ADAMTS17: variants seen among roughly 807,000 people sequenced by gnomAD.
ADAMTS17 encodes the protein A disintegrin and metalloproteinase with thrombospondin motifs 17.
In ADAMTS17, 113 loss-of-function variants were observed where a neutral mutation model predicts 141.5. The observed-to-expected ratio is 0.80, with a 90% CI of 0.69 to 0.93. The LOEUF (loss-of-function observed/expected upper bound fraction) is 0.93. Ranked by LOEUF, ADAMTS17 falls within the 40% of genes least tolerant of loss-of-function variation. ADAMTS17 has a pLI of 0.00. For missense variants in ADAMTS17, 1,659 were observed against 1,517.9 expected (o/e 1.09, Z -1.54); for synonymous variants, 768 against 630.6 (o/e 1.22, Z -3.27).
intron 15 of ADAMTS17, among the ~76,000 whole-genome samples, chr15:100,088,458 T>C (rs918957585): frequency 6.6e-6 from 1 of 152,192 alleles, no homozygotes; most frequent in Non-Finnish European, 1.5e-5. Context: ...AAGCTACCAA[T>C]GACTTTCTTC....
rs1263521839 is a variant in ADAMTS17 at position 100,301,610 on chromosome 15, C to T, written c.617-20209G>A. Among the ~76,000 whole-genome samples, 12 of 151,610 alleles carry T rather than the reference C, an allele frequency of 7.9e-5. No individual in the cohort carries two copies. The South Asian group carries it at 1.0e-3, about 13-fold the overall frequency. On this transcript the variant is annotated intron_variant, in intron 3 of 21. Transcript: ENST00000268070. Reference sequence around the variant, plus strand: ...CCTCCCAAAGCGCTGGGATTACAGGCGTGAGTCACCACGCCCAGCTTATGT... The same window carrying T: ...CCTCCCAAAGCGCTGGGATTACAGGTGTGAGTCACCACGCCCAGCTTATGT...
chr15:100,040,061 G>T (rs2031107406), intron 18 of ADAMTS17, among the ~76,000 whole-genome samples: 4 of 152,096 alleles, frequency 2.6e-5, no homozygotes. Context: ...TACTTTCAAT[G>T]TATTTGTATA....
intron 18 of ADAMTS17, among the ~76,000 whole-genome samples, chr15:100,005,284 C>T (rs2061016318): frequency 6.6e-6 from 1 of 152,166 alleles, no homozygotes; most frequent in African/African-American, 2.4e-5. Context: ...CTTAATGGCT[C>T]AAAATAACAC....
intron 7 of ADAMTS17, among the ~76,000 whole-genome samples, chr15:100,208,238 C>G (rs188512125): frequency 1.3e-5 from 2 of 152,172 alleles, no homozygotes; most frequent in South Asian, 4.1e-4. Flanking sequence ...CAATGAAAAC[C>G]GAGCGGCAAC....
intron 8 of ADAMTS17, among the ~76,000 whole-genome samples, chr15:100,186,681 T>A (rs2040729849): frequency 6.6e-6 from 1 of 152,214 alleles, no homozygotes; most frequent in Admixed American, 6.5e-5. Flanking sequence ...ACAAACTCCT[T>A]TAACTGCAGC....
At chr15:100,314,586 T>C (rs150153808) in intron 3 of ADAMTS17, among the ~76,000 whole-genome samples, 2 of 152,096 alleles carry the variant, frequency 1.3e-5, no homozygotes, top group Non-Finnish European at 2.9e-5. Context: ...GCTACTACAG[T>C]ATACCAAAAT....
chr15:100,298,194 T>C (rs2044891905), intron 3 of ADAMTS17, among the ~76,000 whole-genome samples: 1 of 151,134 alleles, frequency 6.6e-6, no homozygotes, highest in African/African-American at 2.4e-5. Context: ...GGTCCTAGAG[T>C]CAAGGGAAGA....
intron 15 of ADAMTS17, among the ~76,000 whole-genome samples, chr15:100,057,845 G>T (rs75776092): frequency 6.6e-6 from 1 of 152,098 alleles, no homozygotes; most frequent in Non-Finnish European, 1.5e-5. Context: ...AGTGCGGAGA[G>T]AAACCGTTTC....
chr15:100,161,186 G>A (rs1052424739), intron 8 of ADAMTS17, among the ~76,000 whole-genome samples: 3 of 152,162 alleles, frequency 2.0e-5, no homozygotes, highest in African/African-American at 7.2e-5. Context: ...GAGACACAAA[G>A]CACACCGTGC....
rs182187819 is a variant in ADAMTS17 at position 100,222,974 on chromosome 15, C to T, written c.1076-23551G>A. Among the ~76,000 whole-genome samples the T allele has an allele frequency of 2.9e-3, 445 of 152,308 alleles. 1 individual carries two copies. The highest frequency in any genetic ancestry group is 4.7e-3 in the Non-Finnish European group (317 of 68,022). Reference sequence around the variant, plus strand: ...GGGTGTTTCCTGGGATTTAATTCTACGAAGAAAGCTAGGCTTTCACATTTC... The same window carrying T: ...GGGTGTTTCCTGGGATTTAATTCTATGAAGAAAGCTAGGCTTTCACATTTC... On this transcript the variant is annotated intron_variant, in intron 7 of 21. Coordinates refer to ENST00000268070, the MANE Select transcript of ADAMTS17 (RefSeq NM_139057.4).
intron 7 of ADAMTS17, among the ~76,000 whole-genome samples, chr15:100,249,782 C>A (rs562096332): frequency 6.6e-6 from 1 of 152,174 alleles, no homozygotes; most frequent in Admixed American, 6.5e-5. Context: ...AACCTCGCAG[C>A]GCCTCAGAGT....
intron 7 of ADAMTS17, among the ~76,000 whole-genome samples, chr15:100,233,496 T>C (rs1480238264): frequency 6.6e-6 from 1 of 152,172 alleles, no homozygotes; most frequent in African/African-American, 2.4e-5. Context: ...GCAAGTTTTA[T>C]TAGCTCGAAA....
intron 15 of ADAMTS17, among the ~76,000 whole-genome samples, chr15:100,070,787 G>A (rs1486322839): frequency 6.7e-6 from 1 of 149,460 alleles, no homozygotes; most frequent in Non-Finnish European, 1.5e-5. Context: ...ACAAGAGAAA[G>A]CAGGAAAGAT....
chr15:99,986,508 G>A (rs2060588743), intron 20 of ADAMTS17, among the ~76,000 whole-genome samples: 1 of 152,174 alleles, frequency 6.6e-6, no homozygotes, highest in Non-Finnish European at 1.5e-5. Flanking sequence ...AAGAAGGCTG[G>A]CTTGGGCTGT....
intron 21 of ADAMTS17, 143 bp downstream of exon 21, chr15:99,975,902 C>A: frequency 4.1e-6 from 4 of 967,516 alleles, no homozygotes; most frequent in Non-Finnish European, 6.0e-6. Context: ...ACCTCTTCTA[C>A]AGAACTGACA....
At chr15:100,209,163 C>A (rs5026360) in intron 7 of ADAMTS17, among the ~76,000 whole-genome samples, 42,770 of 138,832 alleles carry the variant, frequency 0.31, 6,826 homozygotes, top group Middle Eastern at 0.42. Flanking sequence ...ATTCTCAAAA[C>A]AAGTAACCGC....
chr15:100,236,538 A>AAAACAAAC (rs760089553), intron 7 of ADAMTS17, among the ~76,000 whole-genome samples: 5 of 152,194 alleles, frequency 3.3e-5, no homozygotes, highest in East Asian at 3.9e-4. Context: ...ATCTTTACAA[A>AAAACAAAC]AAACAAACAA....
chr15:100,074,004 CTTAGG>C (rs2034184379), intron 15 of ADAMTS17: 1 of 152,118 alleles, frequency 6.6e-6, no homozygotes, highest in Non-Finnish European at 1.5e-5. Context: ...GGTTAATTCT[CTTAGG>C]TTTTCAAGAT....
chr15:100,209,352 G>C (rs922757689), intron 7 of ADAMTS17, among the ~76,000 whole-genome samples: 21 of 152,138 alleles, frequency 1.4e-4, no homozygotes, highest in Non-Finnish European at 2.6e-4. Flanking sequence ...AGCAGCTCTG[G>C]GCACCAGCTC....
Sources: allele counts gnomAD v4.1 joint callset (sites outside exome capture counted in the v4.1 genomes callset), GRCh38; gene constraint gnomAD v4.1.1; transcripts MANE v1.5; gene names NCBI Gene and HGNC (gene_info 2026-07-23, HGNC 2026-07-21).